CDH12: variants seen among roughly 807,000 people sequenced by gnomAD.
The protein encoded by CDH12 is cadherin 12.
CDH12 carries 41 observed loss-of-function variants against 74.1 expected under a neutral mutation model. The observed-to-expected ratio is 0.55, with a 90% CI of 0.43 to 0.72. The LOEUF (loss-of-function observed/expected upper bound fraction) is 0.72. CDH12 is among the 30% of genes least tolerant of loss of function. The pLI is 0.00. For missense variants in CDH12, 945 were observed against 977.2 expected (o/e 0.97, Z 0.44); for synonymous variants, 399 against 355.0 (o/e 1.12, Z -1.39).
At chr5:22,002,916 A>T (rs1580095827) in intron 5 of CDH12, among the ~76,000 whole-genome samples, 3 of 152,208 alleles carry the variant, frequency 2.0e-5, no homozygotes, top group Admixed American at 2.0e-4. Context: ...CTCACTGAGC[A>T]CTCTAAGAGA....
intron 6 of CDH12, among the ~76,000 whole-genome samples, chr5:21,935,869 T>C (rs563785244): frequency 9.6e-4 from 147 of 152,348 alleles, no homozygotes; most frequent in African/African-American, 2.8e-3. Flanking sequence ...GCCTGGCTTG[T>C]TTCACTTAAC....
intron 1 of CDH12, among the ~76,000 whole-genome samples, chr5:22,695,997 T>G (rs908145687): frequency 6.6e-6 from 1 of 152,178 alleles, no homozygotes; most frequent in African/African-American, 2.4e-5. Flanking sequence ...AGTTGAGTTT[T>G]AAATTAGATA....
rs1416962905 is a variant in CDH12, at chr5:21,938,408, A to G, written c.526+36683T>C. Reference sequence around the variant, plus strand: ...GATGATAGCTGGATAGCTAGACATAACAATAAAACCACAGCTGTTCCCTTG... The same window carrying G: ...GATGATAGCTGGATAGCTAGACATAGCAATAAAACCACAGCTGTTCCCTTG... On this transcript the variant is annotated intron_variant, in intron 6 of 14. Coordinates refer to ENST00000382254, the MANE Select transcript of CDH12 (RefSeq NM_004061.5). 2.0e-5 allele frequency among the ~76,000 whole-genome samples: 3 copies of G among 151,394 alleles called. No individual in the cohort carries two copies. The East Asian group carries it at 5.8e-4, about 29-fold the overall frequency.
At position 22,842,187 on chromosome 5, in the gene CDH12, T is replaced by C. The variant is rs1737108932; in HGVS notation, c.-523+10871A>G. Among the ~76,000 whole-genome samples the C allele has an allele frequency of 2.6e-5, 4 of 152,176 alleles. No homozygotes were observed. The South Asian group carries it at 8.3e-4, about 31-fold the overall frequency. ...GTTAGTCATGACTGGGACTAAACTT[T>C]ACTTCTACATGACTTCTTTTAAAAT... On this transcript the variant is annotated intron_variant, in intron 1 of 14. Coordinates refer to ENST00000382254, the MANE Select transcript of CDH12 (RefSeq NM_004061.5).
At chr5:22,111,069 T>G (rs933740781) in intron 4 of CDH12, among the ~76,000 whole-genome samples, 2 of 152,162 alleles carry the variant, frequency 1.3e-5, no homozygotes, top group Non-Finnish European at 2.9e-5. Flanking sequence ...ACAAAGAGAG[T>G]TGAAATAGTT....
intron 6 of CDH12, among the ~76,000 whole-genome samples, chr5:21,879,308 T>A (rs1191115014): frequency 6.8e-6 from 1 of 147,532 alleles, no homozygotes; most frequent in Non-Finnish European, 1.5e-5. Context: ...TTGAACTTTT[T>A]AAGCAGCACA....
intron 1 of CDH12, among the ~76,000 whole-genome samples, chr5:22,641,074 G>A (rs190115027): frequency 1.8e-4 from 28 of 152,216 alleles, no homozygotes; most frequent in Admixed American, 1.7e-3. Flanking sequence ...AGACACATAC[G>A]TACATACATA....
rs199729190 is a variant in CDH12, at chr5:21,969,784, TA to T, written c.526+5306del. ...TAAGTTATATACAACCTTTATCAAA[TA>T]ATAAAAGTAACCATCATCAGTAATG... On this transcript the variant is annotated intron_variant, in intron 6 of 14. Transcript: ENST00000382254. 7.9e-3 allele frequency among the ~76,000 whole-genome samples: 1,207 copies of T among 152,196 alleles called. 11 individuals carry two copies. Among genetic ancestry groups the T allele is most frequent in the African/African-American group, 0.027 (1,131 of 41,518 alleles).
intron 4 of CDH12, among the ~76,000 whole-genome samples, chr5:22,089,756 A>G (rs1224712682): frequency 6.6e-6 from 1 of 152,164 alleles, no homozygotes; most frequent in Non-Finnish European, 1.5e-5. Context: ...AGAAGAAAAT[A>G]TGAGAATTTC....
chr5:21,942,716 A>AT, intron 6 of CDH12, among the ~76,000 whole-genome samples: 1 of 152,202 alleles, frequency 6.6e-6, no homozygotes, highest in Non-Finnish European at 1.5e-5. Flanking sequence ...TCTCATTTCT[A>AT]TGTGTCTTTT....
At chr5:22,165,242 T>C (rs1748613943) in intron 4 of CDH12, among the ~76,000 whole-genome samples, 1 of 152,064 alleles carries the variant, frequency 6.6e-6, no homozygotes, top group Non-Finnish European at 1.5e-5. Flanking sequence ...AAGTGATCAG[T>C]TCTTGTTACT....
At chr5:21,753,173 T>C (rs1225258304) in intron 14 of CDH12, among the ~76,000 whole-genome samples, 3 of 152,192 alleles carry the variant, frequency 2.0e-5, no homozygotes, top group Non-Finnish European at 4.4e-5. Context: ...AATGTGTGTT[T>C]GATTTACCAG....
intron 9 of CDH12, among the ~76,000 whole-genome samples, chr5:21,809,648 A>G (rs1747638611): frequency 6.6e-6 from 1 of 152,168 alleles, no homozygotes; most frequent in Non-Finnish European, 1.5e-5. Flanking sequence ...ATGCTATGTG[A>G]GTAAAAAGAA....
At chr5:22,623,001 C>A (rs929445354) in intron 1 of CDH12, among the ~76,000 whole-genome samples, 1 of 152,142 alleles carries the variant, frequency 6.6e-6, no homozygotes, top group African/African-American at 2.4e-5. Flanking sequence ...CCCTGGGATG[C>A]AAGACTGGTT....
At chr5:21,953,263 G>A (rs1326810505) in intron 6 of CDH12, among the ~76,000 whole-genome samples, 1 of 152,004 alleles carries the variant, frequency 6.6e-6, no homozygotes, top group African/African-American at 2.4e-5. Flanking sequence ...TCAACCAATT[G>A]TCAACTAAAG....
At chr5:21,911,322 C>T (rs1428656786) in intron 6 of CDH12, among the ~76,000 whole-genome samples, 1 of 152,052 alleles carries the variant, frequency 6.6e-6, no homozygotes, top group Non-Finnish European at 1.5e-5. Flanking sequence ...AAGTCAGACT[C>T]ATTACTTATT....
intron 4 of CDH12, among the ~76,000 whole-genome samples, chr5:22,087,354 A>G (rs1458906158): frequency 6.6e-6 from 1 of 152,056 alleles, no homozygotes; most frequent in East Asian, 1.9e-4. Flanking sequence ...GAATGGGGAA[A>G]AAAGGTCGGG....
intron 3 of CDH12, among the ~76,000 whole-genome samples, chr5:22,224,893 A>C (rs1446408274): frequency 6.6e-6 from 1 of 151,826 alleles, no homozygotes. Context: ...AAAAAGTATA[A>C]AATATTTTCC....
chr5:22,278,123 C>T (rs2150404748), intron 3 of CDH12: 1 of 152,228 alleles, frequency 6.6e-6, no homozygotes. Context: ...TGAAACACTA[C>T]AATATTTCTT....
Sources: allele counts gnomAD v4.1 joint callset (sites outside exome capture counted in the v4.1 genomes callset), GRCh38; gene constraint gnomAD v4.1.1; transcripts MANE v1.5; gene names NCBI Gene and HGNC (gene_info 2026-07-23, HGNC 2026-07-21).